Variants in ABR observed in about 807,000 individuals in gnomAD.
ABR encodes active breakpoint cluster region-related protein.
ABR carries 35 observed loss-of-function variants against 107.2 expected under a neutral mutation model. That is an observed-to-expected ratio of 0.33 (90% CI 0.25 to 0.43). The LOEUF (loss-of-function observed/expected upper bound fraction) is 0.43, where lower values mean the gene tolerates loss of function less well. Ranked by LOEUF, ABR falls within the 20% of genes least tolerant of loss-of-function variation. ABR has a pLI of 1.00. For synonymous variants in ABR, 498 were observed against 462.0 expected (o/e 1.08, Z -1.00); for missense variants, 815 against 1,115.2 (o/e 0.73, Z 3.83).
intron 16 of ABR, among the ~76,000 whole-genome samples, chr17:1,045,036 A>T (rs1206667169): frequency 6.6e-6 from 1 of 152,232 alleles, no homozygotes; most frequent in Non-Finnish European, 1.5e-5. Context: ...AAACAGAAAA[A>T]CAGACAAAAC....
rs369883416 is a variant in ABR at position 1,027,774 on chromosome 17, C to A, written c.1792-14610G>T. Among the ~76,000 whole-genome samples the A allele has an allele frequency of 4.9e-4, 75 of 151,924 alleles. No homozygotes were observed. Among genetic ancestry groups the A allele is most frequent in the Non-Finnish European group, 8.7e-4 (59 of 67,912 alleles). On this transcript the variant is annotated intron_variant, in intron 16 of 22. Transcript: ENST00000302538. The surrounding 1 kb of genome is among the most constrained non-coding windows in gnomAD (Gnocchi z 4.7). ...GGTGTGTGTGAACAGAGAAGACGCA[C>A]GATGAAGCTTTCTTCCCACCGGGAA...
In ABR at chr17:1,159,594, TCA is replaced by T. The variant is rs1446948006; in HGVS notation, c.61+20071_61+20072del. Among the ~76,000 whole-genome samples the T allele has an allele frequency of 1.1e-4, 12 of 105,522 alleles. 1 individual carries two copies. The highest frequency in any genetic ancestry group is 1.8e-4 in the Non-Finnish European group (9 of 50,148). 69.2% of individuals were successfully genotyped at this position (105,522 alleles called of 152,430 possible). A position where few individuals can be genotyped will look rare whatever the true frequency, so the allele number is the denominator to read the frequency against. On this transcript the variant is annotated intron_variant, in intron 1 of 22. Transcript: ENST00000302538. ...CACGGGAGAAGTAAGAATGCGGTACTCACACACATGAGAAGTAAGAATGCGGT... is the reference window on the plus strand; with the variant it reads ...CACGGGAGAAGTAAGAATGCGGTACTCACACATGAGAAGTAAGAATGCGGT...
At chr17:1,135,415 T>C (rs1247602270) in intron 1 of ABR, among the ~76,000 whole-genome samples, 1 of 150,990 alleles carries the variant, frequency 6.6e-6, no homozygotes, top group Middle Eastern at 3.4e-3. Flanking sequence ...TCACTCTTGT[T>C]GCCCAGGCTG....
chr17:1,173,013 TCCACC>T (rs2041778246), intron 1 of ABR, among the ~76,000 whole-genome samples: 2 of 12,148 alleles, frequency 1.6e-4, no homozygotes, highest in Non-Finnish European at 8.2e-4. Flanking sequence ...ATCACCTCAG[TCCACC>T]CAACACATCA....
rs2035875751 is a variant in ABR, at chr17:1,078,067, G to A, written c.700+1263C>T. Among the ~76,000 whole-genome samples the A allele has an allele frequency of 6.6e-6, 1 of 152,106 alleles. No homozygotes were observed. The highest frequency in any genetic ancestry group is 2.4e-5 in the African/African-American group (1 of 41,428). ...CAGCCCCCAGCCAGCTGCGGGAGCT[G>A]CAAGGAGGATGGTCCGGGTCCCTTC... On this transcript the variant is annotated intron_variant, in intron 6 of 22. Transcript: ENST00000302538. The surrounding 1 kb of genome is among the most constrained non-coding windows in gnomAD (Gnocchi z 7.5).
chr17:1,014,583 A>C (rs1370273227), intron 16 of ABR, among the ~76,000 whole-genome samples: 3 of 152,006 alleles, frequency 2.0e-5, no homozygotes, highest in South Asian at 2.1e-4. Context: ...TCATGCCTGT[A>C]ATCCCAGCAC....
rs2040655158 is a variant in ABR at position 1,148,611 on chromosome 17, T to C, written c.62-23244A>G. ...TCCGAGCAGCAGCGGCATTAGGTTCTCGTAGGAGCGTGAGCCCTGTCGTGA... is the reference window on the plus strand; with the variant it reads ...TCCGAGCAGCAGCGGCATTAGGTTCCCGTAGGAGCGTGAGCCCTGTCGTGA... On this transcript the variant is annotated intron_variant, in intron 1 of 22. Transcript: ENST00000302538. The surrounding 1 kb of genome is among the most constrained non-coding windows in gnomAD (Gnocchi z 4.9). Among the ~76,000 whole-genome samples, 1 of 152,222 alleles carries C rather than the reference T, an allele frequency of 6.6e-6. No individual in the cohort carries two copies. Among genetic ancestry groups the C allele is most frequent in the African/African-American group, 2.4e-5 (1 of 41,466 alleles).
chr17:1,123,705 T>C (rs2039457054), intron 2 of ABR, among the ~76,000 whole-genome samples: 1 of 152,126 alleles, frequency 6.6e-6, no homozygotes, highest in South Asian at 2.1e-4. Context: ...GGCGGGGCTC[T>C]GAGCCCTGCT....
Position 1,006,090 on chromosome 17 carries a change from G to A in ABR, c.2570C>T (p.Thr857Ile). 2 of 1,570,966 alleles carry A rather than the reference G, an allele frequency of 1.3e-6. No homozygotes were observed. Among genetic ancestry groups the A allele is most frequent in the Non-Finnish European group, 1.7e-6 (2 of 1,157,800 alleles). ...ELKRNTLYFSTDV is the reference protein window; with the variant it reads ...ELKRNTLYFSIDV ...CCACCCTGCCTCGGGCTACACGTCG[G>A]TGGAGAAGTACAGTGTGTTCCGCTT... The change falls in exon 23 of 23, where the codon ACC becomes ATC. Residue 857 changes from threonine (T) to isoleucine (I), a missense_variant. Transcript: ENST00000302538.
rs541993914 is a variant in ABR at position 1,142,625 on chromosome 17, C to T, written c.62-17258G>A. Among the ~76,000 whole-genome samples the T allele has an allele frequency of 7.2e-5, 11 of 152,156 alleles. No homozygotes were observed. The East Asian group carries it at 2.1e-3, about 29-fold the overall frequency. On this transcript the variant is annotated intron_variant, in intron 1 of 22. Coordinates refer to ENST00000302538, the MANE Select transcript of ABR (RefSeq NM_021962.5). ...AATACTCTGAAGCAGCCTATGAAGC[C>T]ATCAGCCAGGCGCGTGATCAATTCA...
At chr17:1,059,845 G>A (rs530768148) in intron 10 of ABR, among the ~76,000 whole-genome samples, 127 of 152,322 alleles carry the variant, frequency 8.3e-4, no homozygotes, top group African/African-American at 3.0e-3. Context: ...AATGTTCACA[G>A]CCAGTGTTGT....
intron 1 of ABR, among the ~76,000 whole-genome samples, chr17:1,160,240 C>T (rs2041234682): frequency 6.6e-6 from 1 of 150,842 alleles, no homozygotes; most frequent in Non-Finnish European, 1.5e-5. Context: ...GGCGACAGAG[C>T]AAGACTCTGT....
rs2040939108 is a variant in ABR at position 1,154,035 on chromosome 17, G to A, written c.61+25632C>T. ...GCTCTGCTCCCACTCGGGGGCGGGC[G>A]CGTGGGAGGACCAACGAAGAGGGAG... On this transcript the variant is annotated intron_variant, in intron 1 of 22. Coordinates refer to ENST00000302538, the MANE Select transcript of ABR (RefSeq NM_021962.5). The surrounding 1 kb of genome is among the most constrained non-coding windows in gnomAD (Gnocchi z 4.0). The A allele has an allele frequency of 1.9e-5, 3 of 155,878 alleles. No homozygotes were observed. The highest frequency in any genetic ancestry group is 1.9e-4 in the South Asian group (1 of 5,362). The allele number at this position is 155,878 out of a possible 1,614,324, so 9.7% of individuals were successfully genotyped here.
At position 1,092,033 on chromosome 17, in the gene ABR, G is replaced by A. The variant is rs1054339670; in HGVS notation, c.346-183C>T. Among the ~76,000 whole-genome samples, 6 of 152,118 alleles carry A rather than the reference G, an allele frequency of 3.9e-5. No individual in the cohort carries two copies. The highest frequency in any genetic ancestry group is 2.1e-4 in the South Asian group (1 of 4,826). On this transcript the variant is annotated intron_variant, in intron 3 of 22. Coordinates refer to ENST00000302538, the MANE Select transcript of ABR (RefSeq NM_021962.5). The surrounding 1 kb of genome is among the most constrained non-coding windows in gnomAD (Gnocchi z 4.6). ...CCACTGCCACAGGCCCCAACAAGCC[G>A]CACACTCGACAGCAGGAACCTGGCC...
intron 1 of ABR, among the ~76,000 whole-genome samples, chr17:1,169,260 A>T (rs574520777): frequency 6.6e-6 from 1 of 152,330 alleles, no homozygotes; most frequent in East Asian, 1.9e-4. Context: ...GGCAGAAGTC[A>T]CCAGCAGAGG....
intron 10 of ABR, among the ~76,000 whole-genome samples, chr17:1,061,223 C>A (rs2033887332): frequency 6.6e-6 from 1 of 151,988 alleles, no homozygotes. Context: ...GGCACAAGGC[C>A]ACGTCTGCAC....
chr17:1,142,681 C>T lies in ABR; in HGVS notation c.62-17314G>A, dbSNP rs116956375. Among the ~76,000 whole-genome samples the T allele has an allele frequency of 4.5e-3, 689 of 152,146 alleles. 38 individuals carry two copies. The East Asian group carries it at 0.11, about 24-fold the overall frequency. ...CACAGGGAAGGCTGCCCGGAAGAGG[C>T]AGGGCTTGTCCTCAGTCTTGGGGAC... On this transcript the variant is annotated intron_variant, in intron 1 of 22. Coordinates refer to ENST00000302538, the MANE Select transcript of ABR (RefSeq NM_021962.5).
chr17:1,010,962 G>A lies in ABR; in HGVS notation c.2102-99C>T, dbSNP rs189281398. 2 of 1,493,258 alleles carry A rather than the reference G, an allele frequency of 1.3e-6. No homozygotes were observed. The highest frequency in any genetic ancestry group is 1.7e-5 in the Admixed American group (1 of 57,896). The allele number at this position is 1,493,258 out of a possible 1,614,324, so 92.5% of individuals were successfully genotyped here. On this transcript the variant is annotated intron_variant, in intron 19 of 22. Coordinates refer to ENST00000302538, the MANE Select transcript of ABR (RefSeq NM_021962.5). The surrounding 1 kb of genome is among the most constrained non-coding windows in gnomAD (Gnocchi z 4.1). ...CACAGCCCCCACCCACTCCAGCTCT[G>A]GTTCTGGTCTCCCCTGGAAGAGCAG...
intron 11 of ABR, 59 bp from the exon 12 acceptor site, chr17:1,058,104 G>GGATCTGGGAGT: frequency 4.4e-6 from 5 of 1,124,694 alleles, no homozygotes; most frequent in Non-Finnish European, 6.7e-6. Flanking sequence ...CGTACTCCCA[G>GGATCTGGGAGT]ATCCTGGGGA....
Sources: gnomAD v4.1 joint callset for allele counts (sites outside exome capture counted in the v4.1 genomes callset) on GRCh38, gnomAD v4.1.1 for gene constraint, Gnocchi (gnomAD v3.1) non-coding constraint, MANE v1.5 for transcripts, NCBI Gene and HGNC (gene_info 2026-07-23, HGNC 2026-07-21) for gene names.